The following SVOP variants were observed in gnomAD, a reference collection of about 807,000 sequenced individuals.
SVOP encodes the protein SV2 related protein.
A neutral mutation model predicts 69.1 loss-of-function variants in SVOP; 17 were observed. The ratio of observed to expected loss-of-function variants is 0.25; its 90% CI spans 0.17 to 0.37. The LOEUF (loss-of-function observed/expected upper bound fraction) is 0.37, where lower values mean the gene tolerates loss of function less well. Among genes scored for constraint, SVOP ranks in the 10% least tolerant of loss-of-function variants. The pLI, the probability that SVOP is intolerant of heterozygous loss-of-function variation, is 1.00. For missense variants in SVOP, 435 were observed against 597.5 expected, an observed-to-expected ratio of 0.73 and a Z score of 2.84; for synonymous variants, 238 against 238.6, an observed-to-expected ratio of 1.00 and a Z score of 0.02.
intron 2 of SVOP, among the ~76,000 whole-genome samples, chr12:108,980,839 C>T (rs2040131859): frequency 2.0e-5 from 3 of 151,842 alleles, no homozygotes; most frequent in Admixed American, 6.6e-5. Context: ...GCAGGAGAAT[C>T]GCTTGAACCC....
At chr12:108,938,076 G>T (rs904143563) in intron 9 of SVOP, among the ~76,000 whole-genome samples, 1 of 152,180 alleles carries the variant, frequency 6.6e-6, no homozygotes, top group African/African-American at 2.4e-5. Flanking sequence ...CAGGTCCCCT[G>T]GACTCTATGT....
chr12:108,914,501 A>G (rs965148379), intron 15 of SVOP, among the ~76,000 whole-genome samples: 11 of 152,340 alleles, frequency 7.2e-5, no homozygotes, highest in African/African-American at 2.2e-4. Context: ...TAATTATCTA[A>G]TTCAAAAAGC....
intron 5 of SVOP, among the ~76,000 whole-genome samples, chr12:108,967,209 T>G (rs2040050301): frequency 6.6e-6 from 1 of 152,066 alleles, no homozygotes; most frequent in Non-Finnish European, 1.5e-5. Context: ...AATATTGAAA[T>G]GAGGGCTGAG....
At chr12:108,967,486 G>A (rs562212592) in intron 5 of SVOP, among the ~76,000 whole-genome samples, 16 of 150,988 alleles carry the variant, frequency 1.1e-4, no homozygotes, top group African/African-American at 3.2e-4. Context: ...GTGACAAAGC[G>A]CGACTTTGTC....
chr12:109,002,981 A>G (rs1447683944), intron 1 of SVOP, among the ~76,000 whole-genome samples: 2 of 106,974 alleles, frequency 1.9e-5, no homozygotes, highest in Non-Finnish European at 3.7e-5. Context: ...AAAATTAAAA[A>G]TAAATAAATA....
chr12:108,914,936 A>T (rs1395555276), intron 15 of SVOP, among the ~76,000 whole-genome samples: 1 of 151,252 alleles, frequency 6.6e-6, no homozygotes, highest in African/African-American at 2.4e-5. Context: ...AGCACTTTGG[A>T]GGCCGAGGCA....
intron 5 of SVOP, among the ~76,000 whole-genome samples, chr12:108,969,700 T>A (rs2040067380): frequency 6.6e-6 from 1 of 151,862 alleles, no homozygotes; most frequent in African/African-American, 2.4e-5. Flanking sequence ...CTTCTTTACT[T>A]CCCTCCTCCT....
At chr12:108,936,470 C>G (rs754300397) in intron 10 of SVOP, among the ~76,000 whole-genome samples, 1 of 151,654 alleles carries the variant, frequency 6.6e-6, no homozygotes, top group Non-Finnish European at 1.5e-5. Flanking sequence ...TTAACACCTC[C>G]CCTCTCCCAT....
rs2040133318 is a variant in SVOP at position 108,981,135 on chromosome 12, A to G, written c.196+2466T>C. 2.0e-5 allele frequency among the ~76,000 whole-genome samples: 3 copies of G among 152,314 alleles called. No individual in the cohort carries two copies. The South Asian group carries it at 6.2e-4, about 32-fold the overall frequency. On this transcript the variant is annotated intron_variant, in intron 2 of 15. Coordinates refer to ENST00000610966, the MANE Select transcript of SVOP (RefSeq NM_018711.5). Reference sequence around the variant, plus strand: ...AGCAAAAAATATCATCCACAAGAAGAACAGTAGTGAGACTATTGTGGGGCA... The same window carrying G: ...AGCAAAAAATATCATCCACAAGAAGGACAGTAGTGAGACTATTGTGGGGCA...
rs538661536 is a variant in SVOP at position 108,941,960 on chromosome 12, C to T, written c.643-1051G>A. 3.3e-5 allele frequency among the ~76,000 whole-genome samples: 5 copies of T among 152,176 alleles called. No homozygotes were observed. The South Asian group carries it at 6.2e-4, about 19-fold the overall frequency. Reference sequence around the variant, plus strand: ...GATTACAGGCATGAGCCACCACGCCCGGCAAGAAATTCTGTACCATTAAGC... The same window carrying T: ...GATTACAGGCATGAGCCACCACGCCTGGCAAGAAATTCTGTACCATTAAGC... On this transcript the variant is annotated intron_variant, in intron 7 of 15. Transcript: ENST00000610966.
chr12:108,996,060 C>A (rs142348222), intron 1 of SVOP, among the ~76,000 whole-genome samples: 2 of 152,206 alleles, frequency 1.3e-5, no homozygotes, highest in East Asian at 3.9e-4. Flanking sequence ...ATTGTTGAGG[C>A]TCATTATTAA....
At chr12:108,954,590 C>T (rs543196762) in intron 6 of SVOP, among the ~76,000 whole-genome samples, 69 of 152,182 alleles carry the variant, frequency 4.5e-4, no homozygotes, top group Non-Finnish European at 7.9e-4. Flanking sequence ...TGTAGTCCCG[C>T]CCCTTTGCTG....
intron 2 of SVOP, among the ~76,000 whole-genome samples, chr12:108,981,858 T>C (rs2040136871): frequency 6.6e-6 from 1 of 152,128 alleles, no homozygotes; most frequent in African/African-American, 2.4e-5. Flanking sequence ...ATCACCACCA[T>C]TGTCATTATA....
chr12:108,972,332 G>T, intron 5 of SVOP, 73 bp downstream of exon 5: 1 of 1,430,652 alleles, frequency 7.0e-7, no homozygotes, highest in Non-Finnish European at 9.5e-7. Flanking sequence ...ATGCAGAACG[G>T]GTTTGCTACT....
intron 6 of SVOP, among the ~76,000 whole-genome samples, chr12:108,953,410 A>C (rs952274851): frequency 1.1e-4 from 17 of 152,220 alleles, no homozygotes; most frequent in Admixed American, 5.2e-4. Context: ...AGCCTCCCAA[A>C]GTGCTTGGAT....
chr12:109,005,525 T>C (rs1057493107), intron 1 of SVOP, among the ~76,000 whole-genome samples: 3 of 152,100 alleles, frequency 2.0e-5, no homozygotes, highest in African/African-American at 7.2e-5. Flanking sequence ...AAGTGGATGC[T>C]CTGGTTGGCA....
intron 1 of SVOP, among the ~76,000 whole-genome samples, chr12:108,999,957 A>T (rs2040258320): frequency 1.3e-5 from 2 of 151,572 alleles, no homozygotes; most frequent in African/African-American, 4.8e-5. Flanking sequence ...AGAAATAACT[A>T]AAATCAGAGC....
intron 6 of SVOP, among the ~76,000 whole-genome samples, chr12:108,951,664 G>A (rs1566055533): frequency 6.6e-6 from 1 of 152,152 alleles, no homozygotes; most frequent in Non-Finnish European, 1.5e-5. Flanking sequence ...CTCCAAGTCA[G>A]TACCAGAAAC....
At position 108,918,099 on chromosome 12, in the gene SVOP, T is replaced by G. The variant is rs2039725316; in HGVS notation, c.1294A>C (p.Ile432Leu). 1.3e-6 allele frequency: 2 copies of G among 1,577,022 alleles called. No homozygotes were observed. The highest frequency in any genetic ancestry group is 1.7e-6 in the Non-Finnish European group (2 of 1,161,062). ...CCTCCAGAAATAAACGCTCTTGCAA[T>G]GAAGAGTAACAGAGTGAGCACATTT... ...GRNVLTLLLF[I>L]ARAFISGGFQ... is the part of the protein sequence containing the mutation. The change falls in exon 14 of 16, where the codon ATT becomes CTT. Residue 432 changes from isoleucine (I) to leucine (L), a missense_variant. Ile to Leu is a conservative substitution (Grantham distance 5). Transcript: ENST00000610966.
Sources: allele counts gnomAD v4.1 joint callset (sites outside exome capture counted in the v4.1 genomes callset), GRCh38; gene constraint gnomAD v4.1.1; transcripts MANE v1.5; gene names NCBI Gene and HGNC (gene_info 2026-07-23, HGNC 2026-07-21).